Variants in FAM168A observed in about 807,000 individuals in gnomAD.
FAM168A encodes family with sequence similarity 168 member A.
FAM168A carries 3 observed loss-of-function variants against 28.5 expected under a neutral mutation model. That is an observed-to-expected ratio of 0.11 (90% CI 0.05 to 0.27). The LOEUF (loss-of-function observed/expected upper bound fraction) is 0.27. Among genes scored for constraint, FAM168A ranks in the 10% least tolerant of loss-of-function variants. The pLI is 1.00. For missense variants in FAM168A, 222 were observed against 311.5 expected, an observed-to-expected ratio of 0.71 and a Z score of 2.16; for synonymous variants, 122 against 124.2, an observed-to-expected ratio of 0.98 and a Z score of 0.12.
At chr11:73,523,860 C>T (rs1943416442) in intron 1 of FAM168A, among the ~76,000 whole-genome samples, 2 of 65,294 alleles carry the variant, frequency 3.1e-5, no homozygotes, top group South Asian at 1.8e-3. Flanking sequence ...GTCTCTTTTC[C>T]CCTATTTTTT....
rs1445072936 is a variant in FAM168A, at chr11:73,580,207, C to T, written c.-19+17716G>A. 1.6e-4 allele frequency: 77 copies of T among 486,320 alleles called. 1 individual carries two copies. The highest frequency in any genetic ancestry group is 1.1e-3 in the South Asian group (74 of 65,254). The allele number at this position is 486,320 out of a possible 1,614,324, so 30.1% of individuals were successfully genotyped here. A position where few individuals can be genotyped will look rare whatever the true frequency, so the allele number is the denominator to read the frequency against. ...ACCAAAGCCTGTGCTCCGCTGCATC[C>T]CACGCCCAGTGCCTACGTCCCGCTG... On this transcript the variant is annotated intron_variant, in intron 1 of 7. Transcript: ENST00000356467.
At chr11:73,519,136 C>G (rs1357436179) in intron 1 of FAM168A, among the ~76,000 whole-genome samples, 1 of 152,176 alleles carries the variant, frequency 6.6e-6, no homozygotes, top group Non-Finnish European at 1.5e-5. Flanking sequence ...ATCCCACATG[C>G]TCTACCACAA....
chr11:73,528,069 T>A (rs924549388), intron 1 of FAM168A, among the ~76,000 whole-genome samples: 12 of 152,196 alleles, frequency 7.9e-5, no homozygotes, highest in Non-Finnish European at 1.3e-4. Context: ...CAGTGGATAA[T>A]CACAAAATAA....
chr11:73,469,341 T>C (rs1867781327), intron 1 of FAM168A, among the ~76,000 whole-genome samples: 1 of 152,224 alleles, frequency 6.6e-6, no homozygotes, highest in South Asian at 2.1e-4. Context: ...TCTCCAAATA[T>C]ATTATTTACA....
chr11:73,417,982 C>T (rs1473780556), intron 4 of FAM168A, among the ~76,000 whole-genome samples: 4 of 152,174 alleles, frequency 2.6e-5, no homozygotes, highest in Non-Finnish European at 5.9e-5. Flanking sequence ...GACCTATTAC[C>T]TTTCTAGGCC....
intron 1 of FAM168A, among the ~76,000 whole-genome samples, chr11:73,473,380 T>C (rs1003463285): frequency 6.6e-6 from 1 of 152,126 alleles, no homozygotes; most frequent in African/African-American, 2.4e-5. Context: ...CAAACCCTTG[T>C]TCAACTCAAG....
rs772530179 is a variant in FAM168A, at chr11:73,529,796, C to CTTTTTTTTTTTTTT, written c.-18-61318_-18-61305dup. 1.6e-3 allele frequency among the ~76,000 whole-genome samples: 202 copies of CTTTTTTTTTTTTTT among 127,486 alleles called. 9 individuals carry two copies. Among genetic ancestry groups the CTTTTTTTTTTTTTT allele is most frequent in the African/African-American group, 5.4e-3 (161 of 29,666 alleles). The allele number at this position is 127,486 out of a possible 152,430, so 83.6% of individuals were successfully genotyped here. Reference sequence around the variant, plus strand: ...TCCTTCATTCAAACAACTTTTTCTTCTTTTTTTTTTTTTTTTGGAGACGCA... The same window carrying CTTTTTTTTTTTTTT: ...TCCTTCATTCAAACAACTTTTTCTTCTTTTTTTTTTTTTTTTTTTTTTTTTTTTTTGGAGACGCA... On this transcript the variant is annotated intron_variant, in intron 1 of 7. Coordinates refer to ENST00000356467, the MANE Select transcript of FAM168A (RefSeq NM_015159.3).
chr11:73,490,765 T>C (rs1194903058), intron 1 of FAM168A, among the ~76,000 whole-genome samples: 1 of 152,210 alleles, frequency 6.6e-6, no homozygotes, highest in Non-Finnish European at 1.5e-5. Context: ...ATAGTTATCT[T>C]CCTTGCTTTA....
intron 1 of FAM168A, among the ~76,000 whole-genome samples, chr11:73,577,828 T>C: frequency 6.6e-6 from 1 of 151,666 alleles, no homozygotes; most frequent in East Asian, 1.9e-4. Flanking sequence ...TTGAAGAACA[T>C]CTGTTCATAA....
intron 1 of FAM168A, among the ~76,000 whole-genome samples, chr11:73,550,241 A>T (rs12418558): frequency 0.075 from 11,421 of 152,314 alleles, 556 homozygotes; most frequent in Admixed American, 0.11. Flanking sequence ...AAGATAGAGA[A>T]AGAACTGCTA....
chr11:73,451,332 C>T (rs1867425400), intron 2 of FAM168A, among the ~76,000 whole-genome samples: 2 of 152,206 alleles, frequency 1.3e-5, no homozygotes, highest in Admixed American at 1.3e-4. Context: ...CTATTCCAAA[C>T]TCTCAGGTCA....
intron 1 of FAM168A, among the ~76,000 whole-genome samples, chr11:73,472,260 T>G (rs906155424): frequency 6.6e-6 from 1 of 152,222 alleles, no homozygotes; most frequent in Non-Finnish European, 1.5e-5. Context: ...GAGTGACATC[T>G]GAGCAAACAC....
chr11:73,510,950 G>A (rs776223820), intron 1 of FAM168A: 1 of 229,868 alleles, frequency 4.4e-6, no homozygotes, highest in Non-Finnish European at 8.5e-6. Context: ...TGCATCTGTT[G>A]CTAGGAGGTC....
chr11:73,555,814 C>T (rs11235804), intron 1 of FAM168A, among the ~76,000 whole-genome samples: 4,520 of 152,142 alleles, frequency 0.03, 225 homozygotes, highest in African/African-American at 0.1. Flanking sequence ...AGAACTAGTG[C>T]CTGGCAAGGC....
At chr11:73,456,091 C>A (rs1322921974) in intron 2 of FAM168A, among the ~76,000 whole-genome samples, 2 of 152,174 alleles carry the variant, frequency 1.3e-5, no homozygotes, top group African/African-American at 4.8e-5. Context: ...TTTTTAACAT[C>A]TATCTTCTAG....
chr11:73,507,918 A>T (rs569558571), intron 1 of FAM168A, among the ~76,000 whole-genome samples: 1 of 152,006 alleles, frequency 6.6e-6, no homozygotes, highest in South Asian at 2.1e-4. Flanking sequence ...GGGATCTTGG[A>T]ATTCAATCCC....
chr11:73,563,449 C>A (rs1160328701), intron 1 of FAM168A, among the ~76,000 whole-genome samples: 1 of 152,282 alleles, frequency 6.6e-6, no homozygotes, highest in East Asian at 1.9e-4. Context: ...ATTGTCATCA[C>A]TAATAAATAT....
rs552875487 is a variant in FAM168A, at chr11:73,548,417, A to G, written c.-19+49506T>C. On this transcript the variant is annotated intron_variant, in intron 1 of 7. Coordinates refer to ENST00000356467, the MANE Select transcript of FAM168A (RefSeq NM_015159.3). ...GGACTATTATGACCTTTCTTTTATA[A>G]ATGACAAGGCTCAGCCTAGAAAAGT... 2.0e-5 allele frequency among the ~76,000 whole-genome samples: 3 copies of G among 152,336 alleles called. No individual in the cohort carries two copies. The South Asian group carries it at 6.2e-4, about 32-fold the overall frequency.
At chr11:73,581,818 A>G (rs1944250693) in intron 1 of FAM168A, among the ~76,000 whole-genome samples, 1 of 151,978 alleles carries the variant, frequency 6.6e-6, no homozygotes, top group Non-Finnish European at 1.5e-5. Flanking sequence ...TCCCGGGTTC[A>G]AGCGATTATC....
Sources: gnomAD v4.1 joint callset for allele counts (sites outside exome capture counted in the v4.1 genomes callset) on GRCh38, gnomAD v4.1.1 for gene constraint, MANE v1.5 for transcripts, NCBI Gene and HGNC (gene_info 2026-07-23, HGNC 2026-07-21) for gene names.